The following SCTR variants were observed in gnomAD, a reference collection of about 807,000 sequenced individuals.
SCTR encodes pancreatic secretin receptor.
A neutral mutation model predicts 60.8 loss-of-function variants in SCTR; 56 were observed. That is an observed-to-expected ratio of 0.92 (90% CI 0.74 to 1.15). The LOEUF (loss-of-function observed/expected upper bound fraction) is 1.15. SCTR is among the 50% of genes most tolerant of loss of function. SCTR has a pLI of 0.00. For synonymous variants in SCTR, 202 were observed against 217.0 expected (o/e 0.93, Z 0.61); for missense variants, 562 against 550.4 (o/e 1.02, Z -0.21).
intron 4 of SCTR, among the ~76,000 whole-genome samples, chr2:119,471,582 G>T (rs1320350802): frequency 6.6e-6 from 1 of 152,160 alleles, no homozygotes; most frequent in Admixed American, 6.5e-5. Context: ...CAGAAGACGG[G>T]GTGCTCTGAC....
At chr2:119,455,536 A>G (rs983925012) in intron 7 of SCTR, among the ~76,000 whole-genome samples, 2 of 152,260 alleles carry the variant, frequency 1.3e-5, no homozygotes, top group African/African-American at 4.8e-5. Flanking sequence ...GGTCGTATCT[A>G]CAAGACACAA....
chr2:119,473,551 A>T lies in SCTR; in HGVS notation c.307T>A (p.Leu103Met), dbSNP rs761910358. The change falls in exon 4 of 13, where the codon TTG (leucine) becomes ATG (methionine). Residue 103 changes from leucine to methionine, a missense_variant. Physicochemically the swap from Leu to Met is conservative, Grantham distance 15. Coordinates refer to ENST00000019103, the MANE Select transcript of SCTR (RefSeq NM_002980.3). ...CCATCCTGTGTGCAGTTTCGGAACAAGGAACCTGTGGGTGCCAAGAGTCCT... is the reference window on the plus strand; with the variant it reads ...CCATCCTGTGTGCAGTTTCGGAACATGGAACCTGTGGGTGCCAAGAGTCCT... Reference protein sequence around the residue: ...LRMLTSRNGSLFRNCTQDGWS... With the variant: ...LRMLTSRNGSMFRNCTQDGWS... 1.2e-6 allele frequency: 2 copies of T among 1,612,812 alleles called. No individual in the cohort carries two copies. The highest frequency in any genetic ancestry group is 1.7e-6 in the Non-Finnish European group (2 of 1,178,810).
intron 1 of SCTR, among the ~76,000 whole-genome samples, chr2:119,497,867 AC>A (rs1229508819): frequency 6.6e-6 from 1 of 152,108 alleles, no homozygotes; most frequent in Admixed American, 6.5e-5. Flanking sequence ...AAATTAAGAA[AC>A]CTTGAGGAAC....
At chr2:119,458,547 G>A (rs1319976392) in intron 7 of SCTR, among the ~76,000 whole-genome samples, 1 of 151,312 alleles carries the variant, frequency 6.6e-6, no homozygotes, top group Non-Finnish European at 1.5e-5. Flanking sequence ...CTTGCAGTGA[G>A]CCCAGATTGC....
Position 119,462,010 on chromosome 2 carries a change from G to T in SCTR, c.637-10C>A. ...CCAGCTTGCAGCCCGCCTGGAGAGA[G>T]AGAGGCAGCTGAACCCAGGCCGGGT... On this transcript the variant is annotated splice_polypyrimidine_tract_variant and intron_variant, in intron 6 of 12. Transcript: ENST00000019103. 6.3e-7 allele frequency: 1 copy of T among 1,592,146 alleles called. No homozygotes were observed. The highest frequency in any genetic ancestry group is 8.6e-7 in the Non-Finnish European group (1 of 1,167,872).
At chr2:119,444,356 A>AAT (rs1558831051) in intron 11 of SCTR, among the ~76,000 whole-genome samples, 1 of 5,284 alleles carries the variant, frequency 1.9e-4, no homozygotes, top group African/African-American at 4.3e-4. Context: ...TATACGTATG[A>AAT]ATATATATAC....
rs1250306237 is a variant in SCTR at position 119,517,335 on chromosome 2, AT to A, written c.72+6819del. On this transcript the variant is annotated intron_variant, in intron 1 of 12. Coordinates refer to ENST00000019103, the MANE Select transcript of SCTR (RefSeq NM_002980.3). ...CCACCACACCCAGCTAATTTTTAAAATTTTTTGTAGAGACAAGGTCTCCTAT... is the reference window on the plus strand; with the variant it reads ...CCACCACACCCAGCTAATTTTTAAAATTTTTGTAGAGACAAGGTCTCCTAT... Among the ~76,000 whole-genome samples, 6 of 152,098 alleles carry A rather than the reference AT, an allele frequency of 3.9e-5. No homozygotes were observed. In the East Asian group the frequency reaches 1.2e-3, roughly 29 times the overall value.
chr2:119,522,836 C>T (rs979392031), intron 1 of SCTR, among the ~76,000 whole-genome samples: 1 of 152,160 alleles, frequency 6.6e-6, no homozygotes, highest in African/African-American at 2.4e-5. Context: ...TGGCATTTCT[C>T]CAAATTGGGA....
chr2:119,475,919 G>C (rs1260935035), intron 3 of SCTR, among the ~76,000 whole-genome samples: 2 of 151,852 alleles, frequency 1.3e-5, no homozygotes, highest in African/African-American at 2.4e-5. Context: ...TTTTTAATAA[G>C]GAACTCTGGA....
intron 4 of SCTR, 30 bp from the exon 5 acceptor site, chr2:119,465,916 C>T (rs374858406): frequency 1.0e-5 from 16 of 1,530,550 alleles, no homozygotes; most frequent in African/African-American, 1.4e-5. Context: ...TCAGCCCCGC[C>T]GGCCCTCCTG....
chr2:119,462,008 G>A lies in SCTR; in HGVS notation c.637-8C>T. 6 of 1,593,252 alleles carry A rather than the reference G, an allele frequency of 3.8e-6. No individual in the cohort carries two copies. The highest frequency in any genetic ancestry group is 5.1e-6 in the Non-Finnish European group (6 of 1,168,688). Reference sequence around the variant, plus strand: ...GACCAGCTTGCAGCCCGCCTGGAGAGAGAGAGGCAGCTGAACCCAGGCCGG... The same window carrying A: ...GACCAGCTTGCAGCCCGCCTGGAGAAAGAGAGGCAGCTGAACCCAGGCCGG... On this transcript the variant is annotated splice_polypyrimidine_tract_variant and splice_region_variant and intron_variant, in intron 6 of 12. Coordinates refer to ENST00000019103, the MANE Select transcript of SCTR (RefSeq NM_002980.3).
chr2:119,476,339 T>G (rs1677305210), intron 3 of SCTR: 2 of 152,202 alleles, frequency 1.3e-5, no homozygotes, highest in South Asian at 2.1e-4. Flanking sequence ...ATGAACAACG[T>G]GGCCCCCACC....
intron 2 of SCTR, 51 bp downstream of exon 2, chr2:119,494,377 C>T (rs368443537): frequency 3.0e-5 from 48 of 1,592,532 alleles, no homozygotes; most frequent in East Asian, 4.5e-5. Context: ...CCAGCAGGAC[C>T]GGACATGCTC....
Position 119,524,101 on chromosome 2 carries a change from G to A in SCTR, c.72+54C>T. On this transcript the variant is annotated intron_variant, in intron 1 of 12. Coordinates refer to ENST00000019103, the MANE Select transcript of SCTR (RefSeq NM_002980.3). ...GCATCCTGCCCGAGGCCGGAGAAAG[G>A]GCGAGACTGTCGCTCCCTCGGGTCC... The A allele has an allele frequency of 2.1e-6, 3 of 1,428,096 alleles. No homozygotes were observed. In the South Asian group the frequency reaches 3.7e-5, roughly 18 times the overall value. 88.5% of individuals were successfully genotyped at this position (1,428,096 alleles called of 1,614,324 possible). A position where few individuals can be genotyped will look rare whatever the true frequency, so the allele number is the denominator to read the frequency against.
At chr2:119,462,738 T>C (rs1683665044) in intron 6 of SCTR, among the ~76,000 whole-genome samples, 1 of 152,152 alleles carries the variant, frequency 6.6e-6, no homozygotes, top group Non-Finnish European at 1.5e-5. Context: ...GCTCCCGGGA[T>C]AGCCGTAGGG....
At chr2:119,465,181 C>A (rs1683780093) in intron 5 of SCTR, among the ~76,000 whole-genome samples, 1 of 152,174 alleles carries the variant, frequency 6.6e-6, no homozygotes, top group South Asian at 2.1e-4. Flanking sequence ...TATGAGAACT[C>A]TGAGGACTTT....
chr2:119,482,616 G>A (rs146341316), intron 2 of SCTR, among the ~76,000 whole-genome samples: 5 of 152,318 alleles, frequency 3.3e-5, no homozygotes, highest in African/African-American at 1.2e-4. Context: ...TCTCTCTGCT[G>A]TGCACTCCCC....
chr2:119,494,610 A>G, intron 1 of SCTR, 62 bp from the exon 2 acceptor site: 1 of 1,572,752 alleles, frequency 6.4e-7, no homozygotes, highest in Middle Eastern at 1.7e-4. Flanking sequence ...CACATGGGGG[A>G]GAATGGGGCA....
intron 1 of SCTR, among the ~76,000 whole-genome samples, chr2:119,513,418 A>T (rs1679017874): frequency 6.6e-6 from 1 of 152,206 alleles, no homozygotes. Context: ...AAAATTCCTC[A>T]AAAATTTAAT....
Sources: gnomAD v4.1 joint callset for allele counts (sites outside exome capture counted in the v4.1 genomes callset) on GRCh38, gnomAD v4.1.1 for gene constraint, MANE v1.5 for transcripts, NCBI Gene and HGNC (gene_info 2026-07-23, HGNC 2026-07-21) for gene names.